Variants in MDGA1 observed in about 807,000 individuals in gnomAD.
MDGA1 encodes the protein MAM domain-containing glycosylphosphatidylinositol anchor protein 1.
A neutral mutation model predicts 101.5 loss-of-function variants in MDGA1; 54 were observed. That is an observed-to-expected ratio of 0.53 (90% CI 0.43 to 0.67). The LOEUF (loss-of-function observed/expected upper bound fraction) is 0.67, where lower values mean the gene tolerates loss of function less well. Among genes scored for constraint, MDGA1 ranks in the 30% least tolerant of loss-of-function variants. The pLI, the probability that MDGA1 is intolerant of heterozygous loss-of-function variation, is 0.00. For missense variants in MDGA1, 1,083 were observed against 1,323.8 expected (o/e 0.82, Z 2.82); for synonymous variants, 533 against 558.3 (o/e 0.95, Z 0.64).
chr6:37,680,363 G>C (rs1183474798), intron 1 of MDGA1, among the ~76,000 whole-genome samples: 7 of 152,198 alleles, frequency 4.6e-5, no homozygotes, highest in Non-Finnish European at 1.0e-4. Flanking sequence ...TCAGCCACTA[G>C]GGCTACCCTT....
At chr6:37,667,440 C>G (rs1761778459) in intron 1 of MDGA1, among the ~76,000 whole-genome samples, 1 of 152,202 alleles carries the variant, frequency 6.6e-6, no homozygotes, top group African/African-American at 2.4e-5. Flanking sequence ...CTCACACTTT[C>G]TATGAATTTT....
At chr6:37,691,076 C>T (rs1750242845) in intron 1 of MDGA1, among the ~76,000 whole-genome samples, 1 of 152,168 alleles carries the variant, frequency 6.6e-6, no homozygotes, top group African/African-American at 2.4e-5. Context: ...TCTCCCCCTA[C>T]CTTACATGTG....
At chr6:37,676,217 C>T (rs1561858736) in intron 1 of MDGA1, among the ~76,000 whole-genome samples, 1 of 152,332 alleles carries the variant, frequency 6.6e-6, no homozygotes, top group South Asian at 2.1e-4. Context: ...GGCACAGTCG[C>T]TAGGGATAGG....
Position 37,647,177 on chromosome 6 carries a change from C to T in MDGA1, c.2042G>A (p.Arg681His), listed in dbSNP as rs752344272. ...CCCCGCTCCCCCTTGGCCCACCTGG[C>T]GGATGCTGAGTCTGTAGTTGAGCAC... ...DPVLNYRLSI[R>H]QLNQHNAVVK... The change falls in exon 10 of 17, where the codon CGC becomes CAC. Residue 681 changes from arginine to histidine, a missense_variant. By Grantham distance (29) the Arg-to-His change is conservative (BLOSUM62 0). This residue lies in a region of MDGA1 where 657 missense variants were observed against 771.4 expected (regional missense o/e 0.85). Coordinates refer to ENST00000434837, the MANE Select transcript of MDGA1 (RefSeq NM_153487.4). 6 of 1,593,776 alleles carry T rather than the reference C, an allele frequency of 3.8e-6. No homozygotes were observed. Among genetic ancestry groups the T allele is most frequent in the South Asian group, 1.1e-5 (1 of 87,382 alleles).
intron 1 of MDGA1, among the ~76,000 whole-genome samples, chr6:37,669,325 C>T (rs1337324759): frequency 6.6e-6 from 1 of 152,136 alleles, no homozygotes; most frequent in Non-Finnish European, 1.5e-5. Flanking sequence ...AAACAGCATC[C>T]ACTGTCCTGG....
chr6:37,652,383 A>C lies in MDGA1; in HGVS notation c.983-43T>G, dbSNP rs974629063. 2 of 1,489,158 alleles carry C rather than the reference A, an allele frequency of 1.3e-6. No homozygotes were observed. The highest frequency in any genetic ancestry group is 2.4e-5 in the East Asian group (1 of 41,064). The allele number at this position is 1,489,158 out of a possible 1,614,324, so 92.2% of individuals were successfully genotyped here. A position where few individuals can be genotyped will look rare whatever the true frequency, so the allele number is the denominator to read the frequency against. On this transcript the variant is annotated intron_variant, in intron 6 of 16. Transcript: ENST00000434837. The surrounding 1 kb of genome is among the most constrained non-coding windows in gnomAD (Gnocchi z 4.3). ...GGGAAGGGTAGTTGGGGTTGGCCTG[A>C]CTCCAGGGGTCCATGTCCCACCCCA... is the stretch of plus-strand genomic sequence containing the variant.
At position 37,650,386 on chromosome 6, in the gene MDGA1, C is replaced by G; in HGVS notation, c.1332G>C (p.Val444=). 2 of 1,557,208 alleles carry G rather than the reference C, an allele frequency of 1.3e-6. No homozygotes were observed. The highest frequency in any genetic ancestry group is 1.7e-6 in the Non-Finnish European group (2 of 1,149,656). The change falls in exon 8 of 17, where the codon GTG becomes GTC. Residue 444 remains valine (V), a synonymous_variant. Transcript: ENST00000434837. ...CGGTCACCACGGCCCTACCCTTGGG[C>G]ACACTGATGGTGGGCGGCACTGTGG... The part of the protein sequence containing the change: ...SSETVPPTIS[V]PKGRAVVTVR...
In MDGA1 at chr6:37,635,161, C is replaced by T. The variant is rs1763897018; in HGVS notation, c.*2207G>A. 1 of 277,878 alleles carries T rather than the reference C, an allele frequency of 3.6e-6. No individual in the cohort carries two copies. Among genetic ancestry groups the T allele is most frequent in the Non-Finnish European group, 6.7e-6 (1 of 149,770 alleles). 17.2% of individuals were successfully genotyped at this position (277,878 alleles called of 1,614,324 possible). On this transcript the variant is annotated 3_prime_UTR_variant, in exon 17 of 17. Coordinates refer to ENST00000434837, the MANE Select transcript of MDGA1 (RefSeq NM_153487.4). ...GCGCTCCAGTCCAATTAACTCAGAA[C>T]CTCTGAGGTGGGAACCAAGCAGCAA...
At chr6:37,649,401 T>C in intron 8 of MDGA1, 135 bp from the exon 9 acceptor site, 2 of 1,364,504 alleles carry the variant, frequency 1.5e-6, no homozygotes, top group Non-Finnish European at 1.9e-6. Context: ...GGATGCACAC[T>C]CGCAACACAT....
chr6:37,654,137 G>A (rs1761427231), intron 6 of MDGA1, 137 bp downstream of exon 6: 2 of 962,778 alleles, frequency 2.1e-6, no homozygotes, highest in Non-Finnish European at 2.9e-6. Context: ...AAATCGAAGG[G>A]CGTGGAACAT....
intron 1 of MDGA1, among the ~76,000 whole-genome samples, chr6:37,667,839 G>C (rs1015651201): frequency 1.3e-5 from 2 of 152,234 alleles, no homozygotes; most frequent in African/African-American, 4.8e-5. Context: ...AGCACAGCTA[G>C]CACAGGCCAG....
intron 2 of MDGA1, among the ~76,000 whole-genome samples, chr6:37,660,053 C>A (rs1761586311): frequency 7.6e-6 from 1 of 131,228 alleles, no homozygotes; most frequent in African/African-American, 2.7e-5. Context: ...TTTTTTTAAT[C>A]ACTAGAGATG....
In MDGA1 at chr6:37,646,349, C is replaced by T; in HGVS notation, c.2073G>A (p.Lys691=). ...RQLNQHNAVV[K]AIPVRRVEKG... The stretch of plus-strand genomic sequence containing the variant: ...TCTCCACACGCCGGACCGGGATGGC[C>T]TTGACCACCGCATTGTGCTGGTTCA... Residue 691 remains lysine, a synonymous_variant, in exon 11 of 17, where the codon AAG becomes AAA. Transcript: ENST00000434837. The T allele has an allele frequency of 1.9e-6, 3 of 1,561,468 alleles. No individual in the cohort carries two copies. Among genetic ancestry groups the T allele is most frequent in the Non-Finnish European group, 2.6e-6 (3 of 1,152,236 alleles).
chr6:37,681,207 C>T (rs919535481), intron 1 of MDGA1, among the ~76,000 whole-genome samples: 3 of 152,200 alleles, frequency 2.0e-5, no homozygotes, highest in Admixed American at 2.0e-4. Flanking sequence ...CAGGTCAGGG[C>T]TCACGATGGG....
Position 37,682,932 on chromosome 6 carries a change from C to CTTG in MDGA1, c.67+13810_67+13812dup, listed in dbSNP as rs1284891411. ...AGGCCACTCTGGTCATAGCCCATGG[C>CTTG]TTGGCTCCTGGGCAGGGAAGTAGAC... On this transcript the variant is annotated intron_variant, in intron 1 of 16. Coordinates refer to ENST00000434837, the MANE Select transcript of MDGA1 (RefSeq NM_153487.4). 4.6e-5 allele frequency among the ~76,000 whole-genome samples: 7 copies of CTTG among 152,344 alleles called. No homozygotes were observed. The South Asian group carries it at 1.4e-3, about 32-fold the overall frequency.
At chr6:37,674,845 C>A (rs934563917) in intron 1 of MDGA1, among the ~76,000 whole-genome samples, 3 of 152,112 alleles carry the variant, frequency 2.0e-5, no homozygotes, top group Admixed American at 2.0e-4. Context: ...CATTAGAGAT[C>A]AGGAGTTCGA....
intron 1 of MDGA1, among the ~76,000 whole-genome samples, chr6:37,685,885 T>C (rs947071178): frequency 2.6e-5 from 4 of 151,862 alleles, no homozygotes; most frequent in Middle Eastern, 3.4e-3. Context: ...GCTGGCAGAG[T>C]GGGGCGAGGT....
chr6:37,687,400 T>TTA (rs1554137550), intron 1 of MDGA1, among the ~76,000 whole-genome samples: 9 of 128,924 alleles, frequency 7.0e-5, no homozygotes, highest in East Asian at 4.5e-4. Flanking sequence ...TACTAAAAAT[T>TTA]AAAAAAAAAA....
rs1761464253 is a variant in MDGA1, at chr6:37,655,547, C to G, written c.579+153G>C. 6.2e-6 allele frequency: 4 copies of G among 645,666 alleles called. No individual in the cohort carries two copies. The highest frequency in any genetic ancestry group is 1.1e-5 in the Non-Finnish European group (4 of 375,402). 40.0% of individuals were successfully genotyped at this position (645,666 alleles called of 1,614,324 possible). On this transcript the variant is annotated intron_variant, in intron 4 of 16. Coordinates refer to ENST00000434837, the MANE Select transcript of MDGA1 (RefSeq NM_153487.4). This position sits in a 1 kb window ranked among gnomAD's most constrained non-coding sequence, Gnocchi z 5.1. ...TGACCTTTCCATCTGATTTTTCTGC[C>G]CCAGGCTGTCTGAACTCCAATCAGA... is the stretch of plus-strand genomic sequence containing the variant.
Sources: allele counts gnomAD v4.1 joint callset (sites outside exome capture counted in the v4.1 genomes callset), GRCh38; gene constraint gnomAD v4.1.1; regional missense constraint gnomAD v4.1.1; non-coding constraint Gnocchi (gnomAD v3.1); transcripts MANE v1.5; gene names NCBI Gene and HGNC (gene_info 2026-07-23, HGNC 2026-07-21).